The following TENM4 variants were observed in gnomAD, a reference collection of about 807,000 sequenced individuals.
TENM4 encodes the protein teneurin-4.
A neutral mutation model predicts 243.3 loss-of-function variants in TENM4; 82 were observed. The ratio of observed to expected loss-of-function variants is 0.34; its 90% confidence interval spans 0.28 to 0.40. The LOEUF (loss-of-function observed/expected upper bound fraction) is 0.40, where lower values mean the gene tolerates loss of function less well. Among genes scored for constraint, TENM4 ranks in the 10% least tolerant of loss-of-function variants. The probability of loss-of-function intolerance (pLI) is 1.00; values close to 1 mark genes in which losing one functional copy is unlikely to be tolerated. For synonymous variants in TENM4, 1,412 were observed against 1,456.3 expected, an observed-to-expected ratio of 0.97 and a Z score of 0.69; for missense variants, 3,138 against 3,673.3, an observed-to-expected ratio of 0.85 and a Z score of 3.77.
At chr11:78,885,178 T>C (rs916180980) in intron 9 of TENM4, among the ~76,000 whole-genome samples, 1 of 152,208 alleles carries the variant, frequency 6.6e-6, no homozygotes, top group Non-Finnish European at 1.5e-5. Context: ...CCTTTCGACA[T>C]CATCTCATGT....
chr11:79,367,111 T>C (rs2135502419), intron 1 of TENM4, among the ~76,000 whole-genome samples: 1 of 152,366 alleles, frequency 6.6e-6, no homozygotes, highest in East Asian at 1.9e-4. Flanking sequence ...ATTGGCTGGA[T>C]CACTTTCAAC....
At chr11:79,052,712 G>T (rs560389023) in intron 6 of TENM4, among the ~76,000 whole-genome samples, 1 of 152,292 alleles carries the variant, frequency 6.6e-6, no homozygotes, top group African/African-American at 2.4e-5. Context: ...TCTTGGGGTC[G>T]CCATCTGCTG....
intron 6 of TENM4, among the ~76,000 whole-genome samples, chr11:79,012,393 T>G (rs1348015859): frequency 6.6e-6 from 1 of 152,118 alleles, no homozygotes; most frequent in Non-Finnish European, 1.5e-5. Context: ...GCTTGAAAGA[T>G]GGGAAGATGG....
At chr11:78,861,877 T>C (rs961396401) in intron 10 of TENM4, among the ~76,000 whole-genome samples, 4 of 152,172 alleles carry the variant, frequency 2.6e-5, no homozygotes, top group African/African-American at 9.7e-5. Context: ...AAGCAGGCCA[T>C]AGCAGGTGCA....
At chr11:78,891,660 T>C (rs1027231197) in intron 7 of TENM4, among the ~76,000 whole-genome samples, 4 of 152,170 alleles carry the variant, frequency 2.6e-5, no homozygotes, top group African/African-American at 9.7e-5. Context: ...AAAATGGCTA[T>C]GTGAGGAAGG....
chr11:79,260,882 C>G (rs1855784376), intron 2 of TENM4, among the ~76,000 whole-genome samples: 4 of 152,182 alleles, frequency 2.6e-5, no homozygotes, highest in Admixed American at 2.6e-4. Context: ...CTTCATTCCC[C>G]TCTCTTACAA....
chr11:79,274,941 C>T (rs975924817), intron 2 of TENM4, among the ~76,000 whole-genome samples: 7 of 152,166 alleles, frequency 4.6e-5, no homozygotes, highest in Admixed American at 3.9e-4. Flanking sequence ...CTCAGTGGCT[C>T]TCGCACAGTG....
chr11:79,156,320 G>A (rs184923338), intron 3 of TENM4, among the ~76,000 whole-genome samples: 2 of 152,326 alleles, frequency 1.3e-5, no homozygotes, highest in East Asian at 3.9e-4. Context: ...AGTGATGTGC[G>A]AGGTGCTTGT....
At chr11:79,256,114 G>C (rs1397162896) in intron 2 of TENM4, among the ~76,000 whole-genome samples, 1 of 152,180 alleles carries the variant, frequency 6.6e-6, no homozygotes, top group East Asian at 1.9e-4. Context: ...TCCCTGCTAG[G>C]CTATAGTTGT....
Position 79,392,742 on chromosome 11 carries a change from G to A in TENM4, c.-321+47767C>T, listed in dbSNP as rs113725514. On this transcript the variant is annotated intron_variant, in intron 1 of 33. Coordinates refer to ENST00000278550, the MANE Select transcript of TENM4 (RefSeq NM_001098816.3). ...GAGCCCCTCTGAATGTCATCTTCCA[G>A]ACTTATAAAGCATGACGTAGGGTTT... Among the ~76,000 whole-genome samples the A allele has an allele frequency of 1.5e-3, 223 of 152,328 alleles. 2 individuals are homozygous for A. Among genetic ancestry groups the A allele is most frequent in the African/African-American group, 5.1e-3 (210 of 41,576 alleles).
At chr11:79,368,266 G>A (rs975655462) in intron 1 of TENM4, among the ~76,000 whole-genome samples, 1 of 152,186 alleles carries the variant, frequency 6.6e-6, no homozygotes, top group Non-Finnish European at 1.5e-5. Flanking sequence ...TATGTTTAAT[G>A]AAATAAGCCA....
chr11:79,164,350 GATACTATATATAC>G (rs1862853935), intron 3 of TENM4, among the ~76,000 whole-genome samples: 95 of 58,254 alleles, frequency 1.6e-3, no homozygotes, highest in Non-Finnish European at 3.1e-3. Flanking sequence ...ATACTATATA[GATACTATATATAC>G]TATATATAAT....
chr11:79,106,679 C>T (rs115266474), intron 4 of TENM4, among the ~76,000 whole-genome samples: 39 of 152,308 alleles, frequency 2.6e-4, no homozygotes, highest in African/African-American at 9.1e-4. Flanking sequence ...TCCCACTTTA[C>T]AGATGGGAAA....
intron 29 of TENM4, among the ~76,000 whole-genome samples, chr11:78,683,767 C>T (rs1035124796): frequency 3.3e-5 from 5 of 152,122 alleles, no homozygotes; most frequent in African/African-American, 4.8e-5. Flanking sequence ...AGCTGTAGAC[C>T]GGAGCTGTTC....
rs527913933 is a variant in TENM4, at chr11:78,998,216, C to G, written c.493+66522G>C. The stretch of plus-strand genomic sequence containing the variant: ...GGCTTCATGGTACAGTAGAAAAGCA[C>G]TGAAAGACAGAAATCCAGGCTGAAA... On this transcript the variant is annotated intron_variant, in intron 6 of 33. Coordinates refer to ENST00000278550, the MANE Select transcript of TENM4 (RefSeq NM_001098816.3). 2.0e-5 allele frequency among the ~76,000 whole-genome samples: 3 copies of G among 152,338 alleles called. No homozygotes were observed. In the East Asian group the frequency reaches 5.8e-4, roughly 29 times the overall value.
At chr11:79,132,883 C>T (rs113929724) in intron 4 of TENM4, among the ~76,000 whole-genome samples, 5 of 152,084 alleles carry the variant, frequency 3.3e-5, no homozygotes, top group Admixed American at 2.6e-4. Context: ...TAAACACCTA[C>T]ATCAAAAAAC....
chr11:78,730,712 A>G (rs1338644909), intron 21 of TENM4, among the ~76,000 whole-genome samples: 1 of 152,234 alleles, frequency 6.6e-6, no homozygotes, highest in Middle Eastern at 3.2e-3. Flanking sequence ...TATTGTATCT[A>G]TTCAAGGGAC....
In TENM4 at chr11:78,781,011, C is replaced by T. The variant is rs181306451; in HGVS notation, c.2366-2383G>A. On this transcript the variant is annotated intron_variant, in intron 16 of 33. Transcript: ENST00000278550. ...AAAGCTGGTAACAGCCAGTTAATACCAAGTCCATGAGTTTTCCGGGAATGG... is the reference window on the plus strand; with the variant it reads ...AAAGCTGGTAACAGCCAGTTAATACTAAGTCCATGAGTTTTCCGGGAATGG... Among the ~76,000 whole-genome samples the T allele has an allele frequency of 8.5e-5, 13 of 152,300 alleles. No homozygotes were observed. The East Asian group carries it at 2.5e-3, about 29-fold the overall frequency.
intron 2 of TENM4, among the ~76,000 whole-genome samples, chr11:79,278,981 G>A (rs1407435144): frequency 6.6e-6 from 1 of 152,134 alleles, no homozygotes; most frequent in African/African-American, 2.4e-5. Context: ...TGACACAGAA[G>A]CACCCAACAT....
Sources: gnomAD v4.1 joint callset for allele counts (sites outside exome capture counted in the v4.1 genomes callset) on GRCh38, gnomAD v4.1.1 for gene constraint, MANE v1.5 for transcripts, NCBI Gene and HGNC (gene_info 2026-07-23, HGNC 2026-07-21) for gene names.